The following MED13L variants were observed in gnomAD, a reference collection of about 807,000 sequenced individuals.
The protein encoded by MED13L is mediator of RNA polymerase II transcription subunit 13-like.
A neutral mutation model predicts 220.9 loss-of-function variants in MED13L; 7 were observed. That is an observed-to-expected ratio of 0.03 (90% CI 0.02 to 0.06). The LOEUF (loss-of-function observed/expected upper bound fraction) is 0.06, where lower values mean the gene tolerates loss of function less well. Among genes scored for constraint, MED13L ranks in the 10% least tolerant of loss-of-function variants. The probability of loss-of-function intolerance (pLI) is 1.00; values close to 1 mark genes in which losing one functional copy is unlikely to be tolerated. For missense variants in MED13L, 1,965 were observed against 2,760.5 expected (o/e 0.71, Z 6.46); for synonymous variants, 1,011 against 1,015.2 (o/e 1.00, Z 0.08).
intron 24 of MED13L, 57 bp from the exon 25 acceptor site, chr12:115,975,370 T>C (rs1311497049): frequency 6.2e-7 from 1 of 1,612,674 alleles, no homozygotes; most frequent in African/African-American, 1.3e-5. Context: ...CAGAGTTATT[T>C]ATCACTTATA....
intron 18 of MED13L, 68 bp from the exon 19 acceptor site, chr12:115,986,557 C>T: frequency 7.2e-7 from 1 of 1,395,984 alleles, no homozygotes; most frequent in Non-Finnish European, 1.0e-6. Flanking sequence ...TTTTGAAATT[C>T]CTGGTGCACT....
rs550367518 is a variant in MED13L, at chr12:116,243,909, C to T, written c.73-6204G>A. ...AGATACTATAAATCAGTTCAAGTCT[C>T]CTGGCCCAGGCTAATTACATCCCAC... On this transcript the variant is annotated intron_variant, in intron 1 of 30. Coordinates refer to ENST00000281928, the MANE Select transcript of MED13L (RefSeq NM_015335.5). Among the ~76,000 whole-genome samples the T allele has an allele frequency of 4.7e-4, 72 of 152,240 alleles. No individual in the cohort carries two copies. In the South Asian group the frequency reaches 5.4e-3, roughly 11 times the overall value.
At chr12:115,973,574 C>T (rs1329929358) in intron 25 of MED13L, among the ~76,000 whole-genome samples, 2 of 152,176 alleles carry the variant, frequency 1.3e-5, no homozygotes, top group African/African-American at 4.8e-5. Flanking sequence ...AGTGACTAGA[C>T]TATTACTCTA....
chr12:116,011,359 A>G (rs1275550881), intron 9 of MED13L, among the ~76,000 whole-genome samples: 1 of 152,262 alleles, frequency 6.6e-6, no homozygotes, highest in Admixed American at 6.5e-5. Flanking sequence ...GAAAACAAAA[A>G]GCAAAGCATT....
intron 1 of MED13L, among the ~76,000 whole-genome samples, chr12:116,246,525 T>C (rs1275918805): frequency 6.6e-6 from 1 of 150,852 alleles, no homozygotes; most frequent in Non-Finnish European, 1.5e-5. Flanking sequence ...TTTAGAAAAG[T>C]AAGCAGGCTG....
At chr12:116,106,904 G>C (rs1873632967) in intron 3 of MED13L, among the ~76,000 whole-genome samples, 1 of 151,978 alleles carries the variant, frequency 6.6e-6, no homozygotes, top group Non-Finnish European at 1.5e-5. Context: ...TGATTAGCTG[G>C]GTAAATTGAC....
intron 1 of MED13L, among the ~76,000 whole-genome samples, chr12:116,258,456 G>A (rs929902221): frequency 5.9e-5 from 9 of 152,066 alleles, no homozygotes; most frequent in African/African-American, 2.2e-4. Context: ...ATTCCTTTTA[G>A]TGAGTGGTTG....
intron 2 of MED13L, among the ~76,000 whole-genome samples, chr12:116,188,970 G>A (rs890206729): frequency 6.6e-6 from 1 of 152,134 alleles, no homozygotes; most frequent in African/African-American, 2.4e-5. Context: ...TGCTGAAGGA[G>A]ACCTGGGCTG....
chr12:115,987,902 G>A (rs1877805482), intron 17 of MED13L, among the ~76,000 whole-genome samples: 2 of 152,200 alleles, frequency 1.3e-5, no homozygotes, highest in Admixed American at 1.3e-4. Context: ...AGTCCCAGCA[G>A]TCGCCCTGGG....
Position 115,958,815 on chromosome 12 carries a change from T to C in MED13L, c.*2451A>G, listed in dbSNP as rs1440486480. 2.0e-5 allele frequency: 3 copies of C among 152,664 alleles called. No individual in the cohort carries two copies. The highest frequency in any genetic ancestry group is 4.1e-4 in the South Asian group (2 of 4,826). The allele number at this position is 152,664 out of a possible 1,614,324, so 9.5% of individuals were successfully genotyped here. ...ATAAAAGAAGCTCACTGCAAAATGCTTGAAGGAAAAAAGGAAACAAAAGAA... is the reference window on the plus strand; with the variant it reads ...ATAAAAGAAGCTCACTGCAAAATGCCTGAAGGAAAAAAGGAAACAAAAGAA... On this transcript the variant is annotated 3_prime_UTR_variant, in exon 31 of 31. Coordinates refer to ENST00000281928, the MANE Select transcript of MED13L (RefSeq NM_015335.5).
chr12:116,056,120 A>G (rs926691689), intron 4 of MED13L, among the ~76,000 whole-genome samples: 1 of 152,140 alleles, frequency 6.6e-6, no homozygotes, highest in Non-Finnish European at 1.5e-5. Context: ...GACCCTCACC[A>G]CAACACTAGC....
intron 2 of MED13L, among the ~76,000 whole-genome samples, chr12:116,180,082 A>G (rs61935844): frequency 0.17 from 26,175 of 152,194 alleles, 2,487 homozygotes; most frequent in Middle Eastern, 0.28. Flanking sequence ...ATTAAGCTAC[A>G]AGGAAAAGGT....
At chr12:116,066,618 A>G (rs933303572) in intron 4 of MED13L, among the ~76,000 whole-genome samples, 3 of 152,162 alleles carry the variant, frequency 2.0e-5, no homozygotes, top group Non-Finnish European at 4.4e-5. Flanking sequence ...TAAATTTTCC[A>G]AAGTATGAGA....
rs571446151 is a variant in MED13L at position 115,999,347 on chromosome 12, C to T, written c.2570-2117G>A. 3.3e-5 allele frequency among the ~76,000 whole-genome samples: 5 copies of T among 151,898 alleles called. No individual in the cohort carries two copies. In the East Asian group the frequency reaches 7.8e-4, roughly 24 times the overall value. Reference sequence around the variant, plus strand: ...CAGAGATTGCAGTGAGCCGAGATCTCGCCACTGCAATCCAGCCTCGGTGAA... The same window carrying T: ...CAGAGATTGCAGTGAGCCGAGATCTTGCCACTGCAATCCAGCCTCGGTGAA... On this transcript the variant is annotated intron_variant, in intron 14 of 30. Transcript: ENST00000281928.
intron 4 of MED13L, among the ~76,000 whole-genome samples, chr12:116,080,249 C>T (rs1871137801): frequency 6.6e-6 from 1 of 152,088 alleles, no homozygotes; most frequent in Admixed American, 6.6e-5. Flanking sequence ...TTTGGATAAA[C>T]AGAGTAGAGA....
intron 1 of MED13L, among the ~76,000 whole-genome samples, chr12:116,263,433 C>T (rs1872637621): frequency 6.6e-6 from 1 of 152,152 alleles, no homozygotes. Flanking sequence ...GTAGAGACAT[C>T]CCTACTACAG....
chr12:116,269,704 T>C (rs1873126207), intron 1 of MED13L, among the ~76,000 whole-genome samples: 1 of 152,100 alleles, frequency 6.6e-6, no homozygotes, highest in African/African-American at 2.4e-5. Context: ...GTAATGGAGT[T>C]TTACTATACT....
intron 23 of MED13L, chr12:115,980,519 T>C (rs993505817): frequency 2.6e-5 from 15 of 575,330 alleles, no homozygotes; most frequent in Non-Finnish European, 4.0e-5. Context: ...AGATGGGGTC[T>C]TGCTATGTTG....
rs1384761435 is a variant in MED13L at position 115,982,468 on chromosome 12, G to A, written c.5091C>T (p.Asn1697=). The change falls in exon 22 of 31, where the codon AAC becomes AAT. Residue 1697 remains asparagine, a synonymous_variant. Coordinates refer to ENST00000281928, the MANE Select transcript of MED13L (RefSeq NM_015335.5). ...AGCGCATCAAGCTCAACAGCCAAAA[G>A]TTCCCAGAAGTGGAGTCCTCCTCTG... ...YAAEEDSTSG[N]FWLLSLMRCY... 3 of 1,614,118 alleles carry A rather than the reference G, an allele frequency of 1.9e-6. No individual in the cohort carries two copies. The highest frequency in any genetic ancestry group is 4.5e-5 in the East Asian group (2 of 44,874).
Sources: allele counts gnomAD v4.1 joint callset (sites outside exome capture counted in the v4.1 genomes callset), GRCh38; gene constraint gnomAD v4.1.1; transcripts MANE v1.5; gene names NCBI Gene and HGNC (gene_info 2026-07-23, HGNC 2026-07-21).